SENP6: variants seen among roughly 807,000 people sequenced by gnomAD.
SENP6 encodes the protein SUMO specific peptidase 6, also known as sentrin-specific protease 6.
In SENP6, 41 loss-of-function variants were observed where a neutral mutation model predicts 134.5. The observed-to-expected ratio is 0.30, with a 90% CI of 0.24 to 0.40. SENP6 has a LOEUF of 0.40. Ranked by LOEUF, SENP6 falls within the 10% of genes least tolerant of loss-of-function variation. The pLI is 1.00. For missense variants in SENP6, 1,248 were observed against 1,312.5 expected, an observed-to-expected ratio of 0.95 and a Z score of 0.76; for synonymous variants, 395 against 429.8, an observed-to-expected ratio of 0.92 and a Z score of 1.00.
chr6:75,687,460 C>T (rs1773928837), intron 16 of SENP6, among the ~76,000 whole-genome samples: 1 of 152,186 alleles, frequency 6.6e-6, no homozygotes. Context: ...AGCTGCAATC[C>T]TTTGGAGAAG....
chr6:75,663,264 C>T lies in SENP6; in HGVS notation c.740C>T (p.Ser247Phe), dbSNP rs550102590. The part of the protein sequence containing the change: ...NCRQAITLNE[S>F]TGPLLRTSIH... ...AGACAAGCTATTACTTTGAATGAGT[C>T]TACTGGACCATTATTAAGAACGTCA... Residue 247 changes from serine (S) to phenylalanine (F), a missense_variant, in exon 9 of 24, where the codon TCT (serine) becomes TTT (phenylalanine). Ser to Phe is a radical substitution (Grantham distance 155). Around this residue, in one of 3 missense-constraint regions of SENP6, gnomAD observed 733 missense variants for 725.4 expected, o/e 1.01. Transcript: ENST00000447266. 2.5e-6 allele frequency: 4 copies of T among 1,613,568 alleles called. No individual in the cohort carries two copies. The African/African-American group carries it at 5.3e-5, about 22-fold the overall frequency.
At chr6:75,662,829 TCTTTAC>T (rs763747402) in intron 8 of SENP6, among the ~76,000 whole-genome samples, 2 of 152,216 alleles carry the variant, frequency 1.3e-5, no homozygotes, top group Non-Finnish European at 2.9e-5. Context: ...AGATTTGCCC[TCTTTAC>T]CTTTATTATA....
chr6:75,619,864 G>A (rs1158631630), intron 1 of SENP6, among the ~76,000 whole-genome samples: 2 of 152,068 alleles, frequency 1.3e-5, no homozygotes, highest in Non-Finnish European at 2.9e-5. Flanking sequence ...GCTGAGGCAG[G>A]GAGGATGGAT....
At position 75,678,681 on chromosome 6, in the gene SENP6, C is replaced by T; in HGVS notation, c.1947C>T (p.Gly649=). Residue 649 remains glycine (G), a synonymous_variant, in exon 15 of 24, where the codon GGC becomes GGT. Coordinates refer to ENST00000447266, the MANE Select transcript of SENP6 (RefSeq NM_015571.4). ...ETGENHTIFI[G]PVEKLIVYPP... is the part of the protein sequence containing the mutation. ...GAGAAAACCACACCATCTTCATTGG[C>T]CCAGTAGAAAAGTGAGAGAATTCCT... is the stretch of plus-strand genomic sequence containing the variant. 3 of 1,579,362 alleles carry T rather than the reference C, an allele frequency of 1.9e-6. No homozygotes were observed. Among genetic ancestry groups the T allele is most frequent in the Non-Finnish European group, 2.6e-6 (3 of 1,152,948 alleles).
intron 8 of SENP6, among the ~76,000 whole-genome samples, chr6:75,662,410 C>G (rs1771856130): frequency 1.3e-5 from 2 of 152,104 alleles, no homozygotes; most frequent in African/African-American, 2.4e-5. Flanking sequence ...GTTGGGCTTA[C>G]AGACCTGAGC....
At chr6:75,605,343 G>T (rs955129432) in intron 1 of SENP6, among the ~76,000 whole-genome samples, 3 of 152,134 alleles carry the variant, frequency 2.0e-5, no homozygotes, top group Non-Finnish European at 4.4e-5. Context: ...TTAGTCTTCT[G>T]TCTTAGGTTC....
intron 7 of SENP6, among the ~76,000 whole-genome samples, chr6:75,658,573 CATT>C (rs1384786067): frequency 6.6e-6 from 1 of 151,844 alleles, no homozygotes; most frequent in Non-Finnish European, 1.5e-5. Context: ...ATCATTTAAA[CATT>C]ATAATTATAT....
At chr6:75,632,412 C>G (rs1168222338) in intron 3 of SENP6, among the ~76,000 whole-genome samples, 3 of 152,108 alleles carry the variant, frequency 2.0e-5, no homozygotes, top group African/African-American at 7.2e-5. Flanking sequence ...TGTCCACTTT[C>G]TAGAATTGTC....
At chr6:75,703,679 T>C (rs920027250) in intron 19 of SENP6, among the ~76,000 whole-genome samples, 8 of 152,074 alleles carry the variant, frequency 5.3e-5, no homozygotes, top group Admixed American at 5.2e-4. Flanking sequence ...GGAGGATCGC[T>C]TGAGCTCAGG....
chr6:75,659,070 G>C (rs367938140), intron 7 of SENP6, among the ~76,000 whole-genome samples, 192 bp from the exon 8 acceptor site: 23 of 150,156 alleles, frequency 1.5e-4, no homozygotes, highest in African/African-American at 5.4e-4. Context: ...ACAAAATAAA[G>C]TGAAGAGGAT....
intron 1 of SENP6, among the ~76,000 whole-genome samples, chr6:75,613,084 A>C (rs1246344048): frequency 6.6e-6 from 1 of 151,896 alleles, no homozygotes; most frequent in Non-Finnish European, 1.5e-5. Flanking sequence ...ACTGCACTCC[A>C]GCCTGCGTGA....
intron 5 of SENP6, 76 bp from the exon 6 acceptor site, chr6:75,640,608 T>C: frequency 1.1e-6 from 1 of 886,732 alleles, no homozygotes; most frequent in Non-Finnish European, 1.6e-6. Flanking sequence ...TTAATGACTA[T>C]AGTTACTGCA....
Position 75,717,732 on chromosome 6 carries a change from AACT to A in SENP6, c.*2139_*2141del, listed in dbSNP as rs1222602319. The A allele has an allele frequency of 6.6e-6, 1 of 152,206 alleles. No individual in the cohort carries two copies. 9.4% of individuals were successfully genotyped at this position (152,206 alleles called of 1,614,324 possible). ...TTAGTACTTAGAAGTTGTAAAACAG[AACT>A]TATAGAGGTTTGTTACTAGACACTG... On this transcript the variant is annotated 3_prime_UTR_variant, in exon 24 of 24. Coordinates refer to ENST00000447266, the MANE Select transcript of SENP6 (RefSeq NM_015571.4).
intron 16 of SENP6, among the ~76,000 whole-genome samples, chr6:75,681,140 C>T (rs1452528540): frequency 6.6e-6 from 1 of 152,200 alleles, no homozygotes; most frequent in Non-Finnish European, 1.5e-5. Flanking sequence ...GCCCAAATCT[C>T]ATGTCCATTT....
intron 23 of SENP6, 117 bp downstream of exon 23, chr6:75,713,942 A>G (rs1252500250): frequency 3.6e-6 from 3 of 824,360 alleles, no homozygotes; most frequent in Non-Finnish European, 5.4e-6. Context: ...TATTGTTTCA[A>G]AAATTATTCC....
At chr6:75,712,229 A>G (rs1403351906) in intron 21 of SENP6, among the ~76,000 whole-genome samples, 3 of 152,168 alleles carry the variant, frequency 2.0e-5, no homozygotes, top group African/African-American at 4.8e-5. Context: ...AGTATTACCT[A>G]TTTCTAGGTT....
chr6:75,649,968 T>A (rs1280839859), intron 7 of SENP6, among the ~76,000 whole-genome samples: 1 of 152,242 alleles, frequency 6.6e-6, no homozygotes, highest in Non-Finnish European at 1.5e-5. Flanking sequence ...TATAAGATTC[T>A]TAACTAAGCT....
chr6:75,705,969 C>G (rs1251316229), intron 19 of SENP6, among the ~76,000 whole-genome samples: 2 of 75,698 alleles, frequency 2.6e-5, no homozygotes, highest in Admixed American at 3.8e-4. Context: ...TGGAGTCTCT[C>G]TTAATCACCC....
At chr6:75,659,764 T>A (rs1381750448) in intron 8 of SENP6, among the ~76,000 whole-genome samples, 1 of 152,192 alleles carries the variant, frequency 6.6e-6, no homozygotes, top group Non-Finnish European at 1.5e-5. Flanking sequence ...TTTATTGTCC[T>A]CACTCTCTAT....
Sources: gnomAD v4.1 joint callset for allele counts (sites outside exome capture counted in the v4.1 genomes callset) on GRCh38, gnomAD v4.1.1 for gene constraint, gnomAD v4.1.1 regional missense constraint, MANE v1.5 for transcripts, NCBI Gene and HGNC (gene_info 2026-07-23, HGNC 2026-07-21) for gene names.